The following CRPPA variants were observed in gnomAD, a reference collection of about 807,000 sequenced individuals.
The protein encoded by CRPPA is D-ribitol-5-phosphate cytidylyltransferase.
CRPPA carries 43 observed loss-of-function variants against 52.0 expected under a neutral mutation model. The observed-to-expected ratio is 0.83, with a 90% CI of 0.65 to 1.07. The LOEUF (loss-of-function observed/expected upper bound fraction) is 1.07. Among genes scored for constraint, CRPPA ranks in the 50% least tolerant of loss-of-function variants. The probability of loss-of-function intolerance (pLI) is 0.00; values close to 1 mark genes in which losing one functional copy is unlikely to be tolerated. For synonymous variants in CRPPA, 250 were observed against 203.5 expected (o/e 1.23, Z -1.94); for missense variants, 629 against 551.7 (o/e 1.14, Z -1.40).
chr7:16,245,212 C>G (rs766615157), intron 8 of CRPPA, among the ~76,000 whole-genome samples: 1 of 152,326 alleles, frequency 6.6e-6, no homozygotes, highest in Non-Finnish European at 1.5e-5. Context: ...TTTGCACATG[C>G]AAACACTCTA....
chr7:16,326,107 G>A (rs1406319422), intron 3 of CRPPA, among the ~76,000 whole-genome samples: 1 of 147,736 alleles, frequency 6.8e-6, no homozygotes, highest in African/African-American at 2.5e-5. Flanking sequence ...CTGAAACATA[G>A]GACACCTATC....
At chr7:16,167,201 C>G (rs1781085754) in intron 9 of CRPPA, among the ~76,000 whole-genome samples, 1 of 152,182 alleles carries the variant, frequency 6.6e-6, no homozygotes, top group Non-Finnish European at 1.5e-5. Context: ...GCTGGGATTA[C>G]AGGCGTGAGC....
chr7:16,132,181 C>T (rs1397702937), intron 9 of CRPPA, among the ~76,000 whole-genome samples: 1 of 128,100 alleles, frequency 7.8e-6, no homozygotes, highest in East Asian at 3.3e-4. Context: ...GAACTAATGG[C>T]ATTTGCCTTA....
chr7:16,128,064 G>C (rs563954601), intron 9 of CRPPA, among the ~76,000 whole-genome samples: 2 of 152,180 alleles, frequency 1.3e-5, no homozygotes, highest in East Asian at 3.9e-4. Flanking sequence ...CTTCCACAAT[G>C]GTTGAGCTAA....
rs184745120 is a variant in CRPPA, at chr7:16,152,314, T to C, written c.1252-60515A>G. Among the ~76,000 whole-genome samples the C allele has an allele frequency of 3.7e-4, 56 of 152,088 alleles. No homozygotes were observed. In the East Asian group the frequency reaches 8.9e-3, roughly 24 times the overall value. ...GTACAGAGTATTATAAAATATACTT[T>C]ATATGAATTTATAAGTTACATAAGA... On this transcript the variant is annotated intron_variant, in intron 9 of 9. Coordinates refer to ENST00000407010, the MANE Select transcript of CRPPA (RefSeq NM_001101426.4).
intron 2 of CRPPA, among the ~76,000 whole-genome samples, chr7:16,394,299 G>A (rs1256842989): frequency 6.6e-6 from 1 of 152,092 alleles, no homozygotes; most frequent in Non-Finnish European, 1.5e-5. Flanking sequence ...ACAAACTATA[G>A]CTGAGTAGAC....
chr7:16,130,692 T>C (rs1191229291), intron 9 of CRPPA, among the ~76,000 whole-genome samples: 2 of 152,166 alleles, frequency 1.3e-5, no homozygotes, highest in African/African-American at 2.4e-5. Context: ...CTATATCCTA[T>C]TTTTAAAATT....
chr7:16,094,371 CA>C (rs1424222473), intron 9 of CRPPA, among the ~76,000 whole-genome samples: 2 of 152,128 alleles, frequency 1.3e-5, no homozygotes, highest in Non-Finnish European at 2.9e-5. Context: ...GATAGTCACA[CA>C]ATTCATGGAT....
At chr7:16,178,137 G>A (rs1456223203) in intron 9 of CRPPA, among the ~76,000 whole-genome samples, 1 of 151,994 alleles carries the variant, frequency 6.6e-6, no homozygotes, top group East Asian at 1.9e-4. Flanking sequence ...GCAACTACGT[G>A]GTCTTTTCCT....
At chr7:16,397,045 A>G (rs1483594725) in intron 2 of CRPPA, among the ~76,000 whole-genome samples, 2 of 152,188 alleles carry the variant, frequency 1.3e-5, no homozygotes, top group Non-Finnish European at 2.9e-5. Context: ...TGTGTAACAC[A>G]TGTGACACAT....
At chr7:16,148,149 A>T (rs1044010733) in intron 9 of CRPPA, among the ~76,000 whole-genome samples, 2 of 152,192 alleles carry the variant, frequency 1.3e-5, no homozygotes, top group Non-Finnish European at 1.5e-5. Flanking sequence ...ATATAAACAA[A>T]CATGTATACA....
At chr7:16,261,520 T>C (rs1783799705) in intron 6 of CRPPA, among the ~76,000 whole-genome samples, 1 of 152,110 alleles carries the variant, frequency 6.6e-6, no homozygotes, top group South Asian at 2.1e-4. Flanking sequence ...AACAAAATTT[T>C]CCCCAATTCT....
intron 4 of CRPPA, among the ~76,000 whole-genome samples, chr7:16,307,947 G>T (rs1393300847): frequency 2.0e-5 from 3 of 150,008 alleles, no homozygotes; most frequent in African/African-American, 7.4e-5. Flanking sequence ...TATTGATATG[G>T]TTTGGATCTG....
intron 9 of CRPPA, among the ~76,000 whole-genome samples, chr7:16,140,642 A>C (rs984380974): frequency 1.3e-5 from 2 of 152,168 alleles, no homozygotes; most frequent in African/African-American, 4.8e-5. Context: ...TTTTTATCTC[A>C]ATCTTGTATA....
chr7:16,367,728 T>G (rs1291702595), intron 3 of CRPPA, among the ~76,000 whole-genome samples: 1 of 152,186 alleles, frequency 6.6e-6, no homozygotes. Flanking sequence ...TCATATTTCT[T>G]TAATTTTATA....
At position 16,201,731 on chromosome 7, in the gene CRPPA, C is replaced by A. The variant is rs368201512; in HGVS notation, c.1251+14335G>T. 4.9e-4 allele frequency among the ~76,000 whole-genome samples: 75 copies of A among 152,268 alleles called. 1 individual carries two copies. Among genetic ancestry groups the A allele is most frequent in the African/African-American group, 1.7e-3 (71 of 41,556 alleles). ...GAATTAAAGGGCTGTAACACTCTTG[C>A]CCACTAAACTACAGGAGCAAAACAG... On this transcript the variant is annotated intron_variant, in intron 9 of 9. Coordinates refer to ENST00000407010, the MANE Select transcript of CRPPA (RefSeq NM_001101426.4).
At position 16,189,894 on chromosome 7, in the gene CRPPA, T is replaced by C. The variant is rs374959991; in HGVS notation, c.1251+26172A>G. Among the ~76,000 whole-genome samples, 23 of 152,310 alleles carry C rather than the reference T, an allele frequency of 1.5e-4. No homozygotes were observed. In the East Asian group the frequency reaches 3.5e-3, roughly 23 times the overall value. The stretch of plus-strand genomic sequence containing the variant: ...CTACAAATATGTCATTGCTTTAGTC[T>C]TTTAAAACTGAATATGTTGATACCC... On this transcript the variant is annotated intron_variant, in intron 9 of 9. Transcript: ENST00000407010.
At chr7:16,380,727 A>G (rs1787062194) in intron 2 of CRPPA, among the ~76,000 whole-genome samples, 1 of 152,158 alleles carries the variant, frequency 6.6e-6, no homozygotes, top group African/African-American at 2.4e-5. Context: ...GGGAGGGTGT[A>G]TGTGTCGAGG....
At chr7:16,350,196 A>C (rs1450323283) in intron 3 of CRPPA, among the ~76,000 whole-genome samples, 3 of 152,160 alleles carry the variant, frequency 2.0e-5, no homozygotes, top group Non-Finnish European at 4.4e-5. Flanking sequence ...ATTGTCATAC[A>C]AAAGCTGAAA....
Sources: allele counts gnomAD v4.1 joint callset (sites outside exome capture counted in the v4.1 genomes callset), GRCh38; gene constraint gnomAD v4.1.1; transcripts MANE v1.5; gene names NCBI Gene and HGNC (gene_info 2026-07-23, HGNC 2026-07-21).